The following FGF14 variants were observed in gnomAD, a reference collection of about 807,000 sequenced individuals.
FGF14 encodes fibroblast growth factor homologous factor 4.
A neutral mutation model predicts 25.5 loss-of-function variants in FGF14; 5 were observed. That is an observed-to-expected ratio of 0.20 (90% CI 0.10 to 0.41). The LOEUF is 0.41. Ranked by LOEUF, FGF14 falls within the 10% of genes least tolerant of loss-of-function variation. FGF14 has a pLI of 1.00. For synonymous variants in FGF14, 138 were observed against 118.3 expected, an observed-to-expected ratio of 1.17 and a Z score of -1.08; for missense variants, 222 against 320.1, an observed-to-expected ratio of 0.69 and a Z score of 2.34.
At chr13:102,005,548 G>T (rs1051585144) in intron 1 of FGF14, among the ~76,000 whole-genome samples, 1 of 152,112 alleles carries the variant, frequency 6.6e-6, no homozygotes, top group Admixed American at 6.6e-5. Flanking sequence ...AAAGTTCAGT[G>T]CACATCAGCA....
chr13:102,398,823 T>C (rs1376019956), intron 1 of FGF14, among the ~76,000 whole-genome samples: 1 of 150,404 alleles, frequency 6.6e-6, no homozygotes, highest in Non-Finnish European at 1.5e-5. Context: ...CTAAAACTTT[T>C]AGAAGGTAAG....
intron 1 of FGF14, among the ~76,000 whole-genome samples, chr13:102,089,183 C>T (rs1351112387): frequency 6.6e-6 from 1 of 152,106 alleles, no homozygotes; most frequent in Non-Finnish European, 1.5e-5. Flanking sequence ...TTGAGTCTAG[C>T]GTATATTTTA....
intron 1 of FGF14, among the ~76,000 whole-genome samples, chr13:102,288,867 G>A (rs949814659): frequency 1.3e-5 from 2 of 152,186 alleles, no homozygotes; most frequent in Admixed American, 6.5e-5. Context: ...TTACAGGCAT[G>A]AGCCACCACT....
chr13:101,728,379 C>T (rs1431141178), intron 3 of FGF14, among the ~76,000 whole-genome samples: 1 of 152,002 alleles, frequency 6.6e-6, no homozygotes, highest in East Asian at 1.9e-4. Context: ...AATAAGATCC[C>T]ATCCAAATAA....
intron 1 of FGF14, among the ~76,000 whole-genome samples, chr13:101,943,820 A>AT (rs1555324427): frequency 1.7e-3 from 207 of 121,162 alleles, no homozygotes; most frequent in African/African-American, 0.011. Context: ...CTTAAAAAAA[A>AT]AAAAAAATAT....
Position 102,006,727 on chromosome 13 carries a change from C to CTTTTTTT in FGF14, c.209-131438_209-131432dup, listed in dbSNP as rs774872814. ...AAATATGAGTCACAAAATCTTACTTCTTTTTTTTTTTTTTTTTTTTTTTTT... is the reference window on the plus strand; with the variant it reads ...AAATATGAGTCACAAAATCTTACTTCTTTTTTTTTTTTTTTTTTTTTTTTTTTTTTTT... On this transcript the variant is annotated intron_variant, in intron 1 of 4. Transcript: ENST00000376131. Among the ~76,000 whole-genome samples the CTTTTTTT allele has an allele frequency of 7.1e-3, 439 of 61,986 alleles. 36 individuals carry two copies. The highest frequency in any genetic ancestry group is 8.9e-3 in the Non-Finnish European group (323 of 36,476). The allele number at this position is 61,986 out of a possible 152,430, so 40.7% of individuals were successfully genotyped here.
intron 1 of FGF14, among the ~76,000 whole-genome samples, chr13:102,035,804 C>G (rs1307320098): frequency 6.6e-6 from 1 of 152,122 alleles, no homozygotes; most frequent in East Asian, 1.9e-4. Context: ...AGTTGCTTTA[C>G]CAGACAGTCA....
chr13:102,175,994 C>A (rs772686319), intron 1 of FGF14, among the ~76,000 whole-genome samples: 1 of 151,828 alleles, frequency 6.6e-6, no homozygotes, highest in African/African-American at 2.4e-5. Flanking sequence ...ACAACCCCCA[C>A]GGAAAACAGT....
intron 1 of FGF14, among the ~76,000 whole-genome samples, chr13:102,122,433 T>C (rs774266876): frequency 1.3e-5 from 2 of 152,182 alleles, no homozygotes; most frequent in Non-Finnish European, 1.5e-5. Flanking sequence ...CTAGCCCATA[T>C]GTGCCCACAA....
chr13:102,327,046 A>T (rs1180388337), intron 1 of FGF14, among the ~76,000 whole-genome samples: 2 of 152,226 alleles, frequency 1.3e-5, no homozygotes, highest in African/African-American at 4.8e-5. Flanking sequence ...AATTGAAACA[A>T]GTTAAATAAA....
At chr13:101,745,033 G>A (rs546045430) in intron 3 of FGF14, among the ~76,000 whole-genome samples, 21 of 152,106 alleles carry the variant, frequency 1.4e-4, no homozygotes, top group African/African-American at 4.8e-4. Context: ...ATCATATGCC[G>A]CTCCTGATTC....
intron 1 of FGF14, among the ~76,000 whole-genome samples, chr13:102,146,006 C>A (rs2046839056): frequency 6.6e-6 from 1 of 152,122 alleles, no homozygotes; most frequent in African/African-American, 2.4e-5. Flanking sequence ...AAGAGCAGAT[C>A]CAACCTATTA....
rs200704843 is a variant in FGF14 at position 102,275,240 on chromosome 13, CTCTCTCTCTCTCTCTCTCTCTT to C, written c.208+126209_208+126230del. Among the ~76,000 whole-genome samples, 641 of 92,582 alleles carry C rather than the reference CTCTCTCTCTCTCTCTCTCTCTT, an allele frequency of 6.9e-3. 15 individuals carry two copies. Among genetic ancestry groups the C allele is most frequent in the East Asian group, 0.012 (30 of 2,474 alleles). 60.7% of individuals were successfully genotyped at this position (92,582 alleles called of 152,430 possible). On this transcript the variant is annotated intron_variant, in intron 1 of 4. Coordinates refer to the FGF14 transcript ENST00000376131. ...CAACTGAGATTAGGCAGATTTCTCT[CTCTCTCTCTCTCTCTCTCTCTT>C]TCTCTCTCTCTCTCTCTCTCTCTCT...
At chr13:102,391,905 G>A (rs1213905134) in intron 1 of FGF14, among the ~76,000 whole-genome samples, 1 of 152,206 alleles carries the variant, frequency 6.6e-6, no homozygotes, top group East Asian at 1.9e-4. Context: ...AACTAAAGAA[G>A]ATGAGTTTCA....
intron 1 of FGF14, among the ~76,000 whole-genome samples, chr13:102,148,973 C>T (rs892965474): frequency 5.9e-5 from 9 of 152,142 alleles, no homozygotes; most frequent in African/African-American, 1.9e-4. Flanking sequence ...TACACACAAA[C>T]ACACTTTTAT....
At chr13:102,214,698 C>T (rs2050299031) in intron 1 of FGF14, among the ~76,000 whole-genome samples, 2 of 152,186 alleles carry the variant, frequency 1.3e-5, no homozygotes, top group African/African-American at 4.8e-5. Context: ...CAGGGGATCT[C>T]AACCGGAAGA....
chr13:101,819,556 T>C (rs904340640), intron 3 of FGF14, among the ~76,000 whole-genome samples: 1 of 152,174 alleles, frequency 6.6e-6, no homozygotes, highest in African/African-American at 2.4e-5. Context: ...AAAAATGAAT[T>C]ATATGGCGTA....
intron 1 of FGF14, among the ~76,000 whole-genome samples, chr13:102,273,178 T>C (rs1482389716): frequency 3.9e-5 from 6 of 152,190 alleles, no homozygotes; most frequent in African/African-American, 4.8e-5. Context: ...GCTGGACATA[T>C]GGTGTGGTTC....
chr13:101,932,508 G>A (rs2034820925), intron 1 of FGF14, among the ~76,000 whole-genome samples: 1 of 127,590 alleles, frequency 7.8e-6, no homozygotes, highest in Non-Finnish European at 1.5e-5. Flanking sequence ...ACTCCAGCCT[G>A]GGTGACATAA....
Sources: allele counts gnomAD v4.1 joint callset (sites outside exome capture counted in the v4.1 genomes callset), GRCh38; gene constraint gnomAD v4.1.1; transcripts MANE v1.5; gene names NCBI Gene and HGNC (gene_info 2026-07-23, HGNC 2026-07-21).